Variants in KIF5C observed in about 807,000 individuals in gnomAD.
The protein encoded by KIF5C is kinesin family member 5C, also known as kinesin heavy chain isoform 5C.
A neutral mutation model predicts 125.2 loss-of-function variants in KIF5C; 18 were observed. That is an observed-to-expected ratio of 0.14 (90% CI 0.10 to 0.21). The LOEUF is 0.21. KIF5C is among the 10% of genes least tolerant of loss of function. KIF5C has a pLI of 1.00. For synonymous variants in KIF5C, 405 were observed against 434.0 expected (o/e 0.93, Z 0.83); for missense variants, 780 against 1,183.8 (o/e 0.66, Z 5.01).
intron 25 of KIF5C, among the ~76,000 whole-genome samples, chr2:149,021,007 T>G (rs1026591557): frequency 3.9e-5 from 6 of 152,206 alleles, no homozygotes; most frequent in Non-Finnish European, 7.3e-5. Context: ...CTGTGGGTGA[T>G]TATACCAAAT....
intron 1 of KIF5C, chr2:148,883,775 C>T (rs1269309875): frequency 6.6e-6 from 1 of 151,980 alleles, no homozygotes; most frequent in African/African-American, 2.4e-5. Flanking sequence ...TACTGATGGA[C>T]CTTTGTTTTT....
chr2:148,970,677 AT>A (rs1400886158), intron 11 of KIF5C, among the ~76,000 whole-genome samples: 4 of 152,130 alleles, frequency 2.6e-5, no homozygotes, highest in African/African-American at 4.8e-5. Context: ...TCATTCCTTA[AT>A]GGGAGAAGAG....
chr2:148,993,687 AG>A (rs1281081440), intron 16 of KIF5C, among the ~76,000 whole-genome samples: 2 of 152,118 alleles, frequency 1.3e-5, no homozygotes, highest in East Asian at 3.9e-4. Flanking sequence ...AGATCTGGAG[AG>A]GGGAGTGTTC....
intron 13 of KIF5C, among the ~76,000 whole-genome samples, chr2:148,980,549 C>T (rs61544002): frequency 0.011 from 1,667 of 152,176 alleles, 28 homozygotes; most frequent in African/African-American, 0.038. Context: ...TGACTGACCA[C>T]TGTTGTATAC....
intron 3 of KIF5C, among the ~76,000 whole-genome samples, chr2:148,933,059 G>T (rs1682214797): frequency 6.6e-6 from 1 of 152,074 alleles, no homozygotes; most frequent in Non-Finnish European, 1.5e-5. Context: ...TGAGGCAGTG[G>T]ATTTCTTTGC....
In KIF5C at chr2:148,990,995, C is replaced by G; in HGVS notation, c.1717-15C>G. On this transcript the variant is annotated splice_polypyrimidine_tract_variant and intron_variant, in intron 15 of 25. Transcript: ENST00000435030. ...ATTGTGGGCAACATTTGAGTGTGTC[C>G]CCTTCTTTGCTCAGTTGGCAGATGT... is the stretch of plus-strand genomic sequence containing the variant. The G allele has an allele frequency of 6.2e-7, 1 of 1,609,064 alleles. No individual in the cohort carries two copies. Among genetic ancestry groups the G allele is most frequent in the Non-Finnish European group, 8.5e-7 (1 of 1,176,894 alleles).
intron 1 of KIF5C, among the ~76,000 whole-genome samples, chr2:148,891,918 A>G (rs1341230364): frequency 6.6e-6 from 1 of 152,138 alleles, no homozygotes; most frequent in Non-Finnish European, 1.5e-5. Context: ...GGCTGGTCTC[A>G]AACTCCTGAT....
chr2:149,000,685 C>G, intron 20 of KIF5C, 37 bp from the exon 21 acceptor site: 4 of 1,611,156 alleles, frequency 2.5e-6, no homozygotes, highest in Non-Finnish European at 3.4e-6. Context: ...ATCTCTGAGT[C>G]CCCTGTGGTG....
intron 1 of KIF5C, among the ~76,000 whole-genome samples, chr2:148,912,748 C>T (rs754030237): frequency 2.1e-4 from 32 of 152,192 alleles, no homozygotes; most frequent in Non-Finnish European, 4.3e-4. Flanking sequence ...TGCACCTGGC[C>T]TGTATATATA....
At chr2:148,907,452 T>G (rs1215208617) in intron 1 of KIF5C, among the ~76,000 whole-genome samples, 1 of 152,258 alleles carries the variant, frequency 6.6e-6, no homozygotes, top group East Asian at 1.9e-4. Context: ...CTGCAAGCTT[T>G]GTGCATTAAC....
intron 1 of KIF5C, among the ~76,000 whole-genome samples, chr2:148,902,845 C>T (rs781240923): frequency 1.3e-5 from 2 of 152,210 alleles, no homozygotes; most frequent in Non-Finnish European, 2.9e-5. Flanking sequence ...ATATTCCTAG[C>T]TGTTTTAAAT....
intron 12 of KIF5C, among the ~76,000 whole-genome samples, chr2:148,976,110 T>C (rs1205975310): frequency 6.6e-6 from 1 of 152,142 alleles, no homozygotes; most frequent in Non-Finnish European, 1.5e-5. Flanking sequence ...CAAGCTTAAG[T>C]AGAAATGAAA....
At chr2:149,018,739 T>G (rs1014913292) in intron 25 of KIF5C, among the ~76,000 whole-genome samples, 5 of 152,108 alleles carry the variant, frequency 3.3e-5, no homozygotes, top group Non-Finnish European at 1.5e-5. Context: ...CTTGGGAGGC[T>G]GAGGTGGGAA....
intron 16 of KIF5C, 94 bp from the exon 17 acceptor site, chr2:148,994,327 C>T: frequency 2.0e-6 from 3 of 1,479,524 alleles, no homozygotes; most frequent in South Asian, 1.4e-5. Context: ...GACTCAGGAA[C>T]CCCTCCTCTC....
At chr2:148,934,881 C>T (rs1682260585) in intron 3 of KIF5C, among the ~76,000 whole-genome samples, 1 of 151,964 alleles carries the variant, frequency 6.6e-6, no homozygotes, top group South Asian at 2.1e-4. Flanking sequence ...TCCATATGCT[C>T]CCCTAACACT....
In KIF5C at chr2:149,000,778, C is replaced by T. The variant is rs1331114011; in HGVS notation, c.2369C>T (p.Thr790Ile). 3 of 1,613,758 alleles carry T rather than the reference C, an allele frequency of 1.9e-6. No individual in the cohort carries two copies. The South Asian group carries it at 3.3e-5, about 18-fold the overall frequency. Residue 790 changes from threonine (T) to isoleucine (I), a missense_variant, in exon 21 of 26, where the codon ACA (threonine) becomes ATA (isoleucine). Transcript: ENST00000435030. ...GAAGACCTCAAAGGGCTGGAGGAGACAGTGGTATGTCAAGATATTTCCCGA... is the reference window on the plus strand; with the variant it reads ...GAAGACCTCAAAGGGCTGGAGGAGATAGTGGTATGTCAAGATATTTCCCGA... ...AREDLKGLEE[T>I]VSRELQTLHN...
rs1204744106 is a variant in KIF5C, at chr2:148,888,557, C to T, written c.126+12814C>T. ...CCTTGCAGGTGAAGGCCACACAGCTCTTTGGAGAAGGAGTCTGATTCTGTG... is the reference window on the plus strand; with the variant it reads ...CCTTGCAGGTGAAGGCCACACAGCTTTTTGGAGAAGGAGTCTGATTCTGTG... On this transcript the variant is annotated intron_variant, in intron 1 of 25. Transcript: ENST00000435030. The T allele has an allele frequency of 2.6e-5, 4 of 152,046 alleles. No homozygotes were observed. The East Asian group carries it at 7.8e-4, about 30-fold the overall frequency. 9.4% of individuals were successfully genotyped at this position (152,046 alleles called of 1,614,324 possible). A position where few individuals can be genotyped will look rare whatever the true frequency, so the allele number is the denominator to read the frequency against.
chr2:149,002,681 A>G (rs1681886417), intron 21 of KIF5C, among the ~76,000 whole-genome samples: 1 of 151,908 alleles, frequency 6.6e-6, no homozygotes. Flanking sequence ...ACTTACACAG[A>G]TGCTGTCTCA....
At chr2:149,014,375 A>G (rs1425984678) in intron 25 of KIF5C, among the ~76,000 whole-genome samples, 2 of 152,168 alleles carry the variant, frequency 1.3e-5, no homozygotes, top group East Asian at 3.9e-4. Flanking sequence ...TGATGGTTTT[A>G]TCTGAATTCA....
Sources: gnomAD v4.1 joint callset for allele counts (sites outside exome capture counted in the v4.1 genomes callset) on GRCh38, gnomAD v4.1.1 for gene constraint, MANE v1.5 for transcripts, NCBI Gene and HGNC (gene_info 2026-07-23, HGNC 2026-07-21) for gene names.